Variants in FAF1 observed in about 807,000 individuals in gnomAD.
FAF1 encodes the protein Fas associated factor 1.
In FAF1, 25 loss-of-function variants were observed where a neutral mutation model predicts 92.5. The ratio of observed to expected loss-of-function variants is 0.27; its 90% CI spans 0.20 to 0.38. FAF1 has a LOEUF of 0.38. Ranked by LOEUF, FAF1 falls within the 10% of genes least tolerant of loss-of-function variation. The pLI, the probability that FAF1 is intolerant of heterozygous loss-of-function variation, is 1.00. For missense variants in FAF1, 636 were observed against 793.3 expected, an observed-to-expected ratio of 0.80 and a Z score of 2.38; for synonymous variants, 234 against 273.2, an observed-to-expected ratio of 0.86 and a Z score of 1.42.
intron 18 of FAF1, among the ~76,000 whole-genome samples, chr1:50,454,043 T>C (rs1279043011): frequency 6.6e-6 from 1 of 152,270 alleles, no homozygotes; most frequent in Admixed American, 6.5e-5. Context: ...TACCACCTTA[T>C]GGACCTGCTA....
intron 4 of FAF1, among the ~76,000 whole-genome samples, chr1:50,764,499 T>G (rs115328949): frequency 0.012 from 1,798 of 152,308 alleles, 31 homozygotes; most frequent in African/African-American, 0.042. Context: ...CTCCTAGCTC[T>G]TTAACTCTGC....
chr1:50,758,926 T>C (rs1163051908), intron 4 of FAF1, among the ~76,000 whole-genome samples: 3 of 152,076 alleles, frequency 2.0e-5, no homozygotes, highest in East Asian at 1.9e-4. Context: ...CTCTGCAAGC[T>C]CTGCCTCGTA....
At chr1:50,900,580 A>AC (rs1644788667) in intron 1 of FAF1, among the ~76,000 whole-genome samples, 1 of 152,144 alleles carries the variant, frequency 6.6e-6, no homozygotes, top group Non-Finnish European at 1.5e-5. Context: ...AGAGCAAGTT[A>AC]CTTCACCTCT....
intron 18 of FAF1, among the ~76,000 whole-genome samples, chr1:50,465,169 T>G (rs1050928559): frequency 1.3e-5 from 2 of 152,242 alleles, no homozygotes; most frequent in Non-Finnish European, 2.9e-5. Context: ...TGATCTTGGT[T>G]AAAACACTTA....
intron 17 of FAF1, among the ~76,000 whole-genome samples, chr1:50,482,496 A>T (rs1294799836): frequency 1.3e-5 from 2 of 152,162 alleles, no homozygotes; most frequent in Non-Finnish European, 2.9e-5. Flanking sequence ...TGTTACTTTC[A>T]TTTCACTTGT....
chr1:50,574,108 G>A (rs377116003), intron 12 of FAF1, among the ~76,000 whole-genome samples: 9 of 152,222 alleles, frequency 5.9e-5, no homozygotes, highest in South Asian at 2.1e-4. Context: ...CCTGGGCAAC[G>A]GGGCGAGACT....
chr1:50,879,256 AAATG>A (rs57298510), intron 1 of FAF1, among the ~76,000 whole-genome samples: 171 of 151,188 alleles, frequency 1.1e-3, no homozygotes, highest in South Asian at 5.0e-3. Flanking sequence ...AAAAATAAAC[AAATG>A]AATGAATGAA....
At chr1:50,656,870 G>A (rs1054002567) in intron 7 of FAF1, among the ~76,000 whole-genome samples, 25 of 152,198 alleles carry the variant, frequency 1.6e-4, no homozygotes, top group African/African-American at 1.4e-4. Flanking sequence ...GCATCAGTGC[G>A]AGACTCTGTC....
intron 4 of FAF1, among the ~76,000 whole-genome samples, chr1:50,768,203 GGCATTACATAAT>G (rs1660648599): frequency 1.3e-5 from 2 of 151,952 alleles, no homozygotes; most frequent in South Asian, 4.2e-4. Flanking sequence ...GATAAAGAAG[GGCATTACATAAT>G]GCTAAAGGGT....
chr1:50,542,778 T>G (rs917673667), intron 13 of FAF1, among the ~76,000 whole-genome samples: 1 of 152,088 alleles, frequency 6.6e-6, no homozygotes, highest in Non-Finnish European at 1.5e-5. Flanking sequence ...CATAGAACAT[T>G]TGAGGAGGGG....
intron 1 of FAF1, among the ~76,000 whole-genome samples, chr1:50,902,540 C>T (rs1644804021): frequency 6.6e-6 from 1 of 152,134 alleles, no homozygotes; most frequent in Admixed American, 6.5e-5. Flanking sequence ...CTATTTTGGA[C>T]ATGTACTGCC....
intron 15 of FAF1, among the ~76,000 whole-genome samples, chr1:50,493,443 T>C (rs1260554364): frequency 6.6e-6 from 1 of 152,224 alleles, no homozygotes; most frequent in South Asian, 2.1e-4. Context: ...TACCTTTCTA[T>C]ATTTTAAATG....
intron 2 of FAF1, among the ~76,000 whole-genome samples, chr1:50,842,430 A>T (rs1020340099): frequency 6.6e-5 from 10 of 152,142 alleles, no homozygotes; most frequent in Non-Finnish European, 1.5e-4. Flanking sequence ...ATTCTTAAGC[A>T]TATATTTTAA....
At chr1:50,945,538 C>T (rs1645167002) in intron 1 of FAF1, among the ~76,000 whole-genome samples, 1 of 152,158 alleles carries the variant, frequency 6.6e-6, no homozygotes, top group African/African-American at 2.4e-5. Flanking sequence ...AGTTGATATT[C>T]GTCATATCCA....
chr1:50,536,878 TAGA>T (rs917156648), intron 14 of FAF1, among the ~76,000 whole-genome samples: 1 of 152,306 alleles, frequency 6.6e-6, no homozygotes, highest in Non-Finnish European at 1.5e-5. Context: ...GTAGTGTTCT[TAGA>T]AGGAGTGGAG....
intron 7 of FAF1, among the ~76,000 whole-genome samples, chr1:50,680,004 T>C (rs1557471387): frequency 6.6e-6 from 1 of 152,240 alleles, no homozygotes. Context: ...GAAAAATCAC[T>C]TTCACTGTGA....
At chr1:50,634,977 C>T (rs1001727135) in intron 8 of FAF1, among the ~76,000 whole-genome samples, 1 of 152,124 alleles carries the variant, frequency 6.6e-6, no homozygotes, top group African/African-American at 2.4e-5. Flanking sequence ...AAATTAGTCA[C>T]TTATAATCTA....
intron 3 of FAF1, among the ~76,000 whole-genome samples, chr1:50,790,284 G>A (rs1661515526): frequency 1.3e-5 from 2 of 152,086 alleles, no homozygotes; most frequent in African/African-American, 4.8e-5. Flanking sequence ...TGGGACTACA[G>A]GTGTGCGCCA....
At chr1:50,903,205 C>A (rs1021806033) in intron 1 of FAF1, among the ~76,000 whole-genome samples, 2 of 152,274 alleles carry the variant, frequency 1.3e-5, no homozygotes, top group South Asian at 4.1e-4. Flanking sequence ...CAAGTTGTTT[C>A]CTATGTTATT....
Sources: gnomAD v4.1 joint callset for allele counts (sites outside exome capture counted in the v4.1 genomes callset) on GRCh38, gnomAD v4.1.1 for gene constraint, MANE v1.5 for transcripts, NCBI Gene and HGNC (gene_info 2026-07-23, HGNC 2026-07-21) for gene names.